Variants in JADE1 observed in about 807,000 individuals in gnomAD.
The protein encoded by JADE1 is protein Jade-1.
In JADE1, 14 loss-of-function variants were observed where a neutral mutation model predicts 81.8. The ratio of observed to expected loss-of-function variants is 0.17; its 90% confidence interval spans 0.11 to 0.27. The LOEUF is 0.27. JADE1 is among the 10% of genes least tolerant of loss of function. The pLI is 1.00. For missense variants in JADE1, 690 were observed against 1,047.9 expected, an observed-to-expected ratio of 0.66 and a Z score of 4.71; for synonymous variants, 353 against 391.9, an observed-to-expected ratio of 0.90 and a Z score of 1.17.
intron 10 of JADE1, 26 bp downstream of exon 10, chr4:128,867,999 A>G: frequency 7.8e-7 from 1 of 1,280,080 alleles, no homozygotes; most frequent in Non-Finnish European, 1.1e-6. Flanking sequence ...TGGTAGGTCA[A>G]AGTATAGGGC....
rs3069728 is a variant in JADE1 at position 128,875,039 on chromosome 4, CAAATT to C, written c.*2781_*2785del. 0.25 allele frequency: 37,092 copies of C among 150,126 alleles called. 6,109 individuals carry two copies. The highest frequency in any genetic ancestry group is 0.47 in the African/African-American group (19,321 of 40,868). 9.3% of individuals were successfully genotyped at this position (150,126 alleles called of 1,614,324 possible). Reference sequence around the variant, plus strand: ...AAAAGGTGCATGAAGAGTTAAAAATCAAATTAAAGTATATGTAGAGATGACTATTT... The same window carrying C: ...AAAAGGTGCATGAAGAGTTAAAAATCAAAGTATATGTAGAGATGACTATTT... On this transcript the variant is annotated 3_prime_UTR_variant, in exon 11 of 11. Transcript: ENST00000226319.
chr4:128,819,216 C>T (rs545585399), intron 1 of JADE1, among the ~76,000 whole-genome samples: 47 of 151,764 alleles, frequency 3.1e-4, no homozygotes, highest in Non-Finnish European at 5.0e-4. Context: ...TAGTTGGCTA[C>T]GCTGAGGGCT....
intron 1 of JADE1, among the ~76,000 whole-genome samples, chr4:128,821,587 T>C (rs1346388772): frequency 6.6e-6 from 1 of 151,132 alleles, no homozygotes; most frequent in East Asian, 1.9e-4. Context: ...CTCCGCCTCC[T>C]GGGTTCAAGC....
At chr4:128,849,608 T>C (rs1579191454) in intron 5 of JADE1, among the ~76,000 whole-genome samples, 1 of 152,222 alleles carries the variant, frequency 6.6e-6, no homozygotes, top group Non-Finnish European at 1.5e-5. Context: ...AAGCACATCA[T>C]GTGTGTTTTA....
At chr4:128,860,221 C>T (rs992788862) in intron 8 of JADE1, among the ~76,000 whole-genome samples, 1 of 152,026 alleles carries the variant, frequency 6.6e-6, no homozygotes, top group African/African-American at 2.4e-5. Context: ...TGTGTGTGTT[C>T]TGCCACCAAA....
intron 1 of JADE1, among the ~76,000 whole-genome samples, chr4:128,826,856 C>T (rs958179124): frequency 6.6e-6 from 1 of 152,162 alleles, no homozygotes; most frequent in Non-Finnish European, 1.5e-5. Context: ...ACTTTAGTCA[C>T]GCTCCTCCGG....
intron 3 of JADE1, among the ~76,000 whole-genome samples, chr4:128,845,236 A>C (rs1579178515): frequency 6.6e-6 from 1 of 152,158 alleles, no homozygotes; most frequent in Non-Finnish European, 1.5e-5. Flanking sequence ...ACCAAGGATG[A>C]ATGCCACAGG....
intron 2 of JADE1, among the ~76,000 whole-genome samples, chr4:128,840,775 T>G (rs757085495): frequency 2.6e-5 from 4 of 152,192 alleles, no homozygotes; most frequent in Admixed American, 6.5e-5. Context: ...TGAAATATTC[T>G]TGTTCATTTA....
chr4:128,823,617 G>A (rs1383182653), intron 1 of JADE1, among the ~76,000 whole-genome samples: 1 of 152,106 alleles, frequency 6.6e-6, no homozygotes. Context: ...CCTTAAATAA[G>A]TTTTGATGTA....
intron 6 of JADE1, among the ~76,000 whole-genome samples, 168 bp downstream of exon 6, chr4:128,852,436 T>C (rs1468250838): frequency 6.6e-6 from 1 of 152,202 alleles, no homozygotes; most frequent in Non-Finnish European, 1.5e-5. Context: ...GTTCTTACAG[T>C]GATTGAAATA....
chr4:128,864,623 T>C, intron 9 of JADE1: 1 of 984,794 alleles, frequency 1.0e-6, no homozygotes, highest in Non-Finnish European at 1.2e-6. Flanking sequence ...AAACCAATCA[T>C]TACTACCAAC....
intron 9 of JADE1, among the ~76,000 whole-genome samples, chr4:128,866,947 GT>G (rs1458493327): frequency 6.6e-6 from 1 of 152,202 alleles, no homozygotes; most frequent in Non-Finnish European, 1.5e-5. Context: ...GATTAGGGGA[GT>G]TTAGAGACTA....
intron 5 of JADE1, among the ~76,000 whole-genome samples, chr4:128,850,146 T>G (rs1382622624): frequency 6.6e-6 from 1 of 151,424 alleles, no homozygotes; most frequent in Admixed American, 6.6e-5. Context: ...ATACAAAAAT[T>G]AGCTAGGCGT....
rs563083309 is a variant in JADE1 at position 128,873,081 on chromosome 4, G to A, written c.*819G>A. ...AACCACTGGCTCTTGAGCCAGCTTG[G>A]GATTTCCCTGGCCATTGCCAATACC... On this transcript the variant is annotated 3_prime_UTR_variant, in exon 11 of 11. Coordinates refer to ENST00000226319, the MANE Select transcript of JADE1 (RefSeq NM_199320.4). 9 of 343,190 alleles carry A rather than the reference G, an allele frequency of 2.6e-5. 1 individual carries two copies. Among genetic ancestry groups the A allele is most frequent in the South Asian group, 1.9e-4 (9 of 46,550 alleles). 21.3% of individuals were successfully genotyped at this position (343,190 alleles called of 1,614,324 possible).
intron 1 of JADE1, among the ~76,000 whole-genome samples, chr4:128,814,600 C>T (rs1462076197): frequency 2.1e-5 from 3 of 143,980 alleles, no homozygotes; most frequent in African/African-American, 7.7e-5. Context: ...AAGTTTTGCT[C>T]ATGTTGCCCA....
At chr4:128,848,852 GT>G (rs758554287) in intron 4 of JADE1, 127 bp from the exon 5 acceptor site, 6 of 834,106 alleles carry the variant, frequency 7.2e-6, no homozygotes, top group Non-Finnish European at 1.2e-5. Flanking sequence ...TGACATTCAG[GT>G]TTTCAGCCTC....
chr4:128,818,778 C>T (rs953929371), intron 1 of JADE1, among the ~76,000 whole-genome samples: 5 of 152,168 alleles, frequency 3.3e-5, no homozygotes, highest in African/African-American at 1.2e-4. Context: ...TGGCCCTCTA[C>T]CCTCAACCAT....
intron 1 of JADE1, among the ~76,000 whole-genome samples, chr4:128,825,591 G>A (rs1468484123): frequency 1.3e-5 from 2 of 152,178 alleles, no homozygotes; most frequent in Admixed American, 1.3e-4. Context: ...GTGCATGTAA[G>A]CAGTAATCTG....
At chr4:128,870,251 C>T (rs1732091518) in intron 10 of JADE1, among the ~76,000 whole-genome samples, 1 of 152,194 alleles carries the variant, frequency 6.6e-6, no homozygotes, top group Admixed American at 6.5e-5. Flanking sequence ...TTGTAAAACA[C>T]CTCCTGTGGT....
Sources: allele counts gnomAD v4.1 joint callset (sites outside exome capture counted in the v4.1 genomes callset), GRCh38; gene constraint gnomAD v4.1.1; transcripts MANE v1.5; gene names NCBI Gene and HGNC (gene_info 2026-07-23, HGNC 2026-07-21).